Variants in STRBP observed in about 807,000 individuals in gnomAD.
The protein encoded by STRBP is spermatid perinuclear RNA binding protein.
A neutral mutation model predicts 80.1 loss-of-function variants in STRBP; 13 were observed. The ratio of observed to expected loss-of-function variants is 0.16; its 90% CI spans 0.11 to 0.26. STRBP has a LOEUF of 0.26. Among genes scored for constraint, STRBP ranks in the 10% least tolerant of loss-of-function variants. The probability of loss-of-function intolerance (pLI) is 1.00; values close to 1 mark genes in which losing one functional copy is unlikely to be tolerated. For synonymous variants in STRBP, 284 were observed against 291.2 expected, an observed-to-expected ratio of 0.98 and a Z score of 0.25; for missense variants, 485 against 815.2, an observed-to-expected ratio of 0.59 and a Z score of 4.93.
At chr9:123,164,046 GTTTTGTT>G (rs200178740) in intron 6 of STRBP, among the ~76,000 whole-genome samples, 2,198 of 152,050 alleles carry the variant, frequency 0.014, 31 homozygotes, top group South Asian at 0.061. Flanking sequence ...GCTTGTTTTT[GTTTTGTT>G]TTTTGTTTTT....
At chr9:123,263,546 A>G (rs1438089736) in intron 1 of STRBP, among the ~76,000 whole-genome samples, 2 of 150,918 alleles carry the variant, frequency 1.3e-5, no homozygotes, top group African/African-American at 2.4e-5. Context: ...AAAAAAAAAA[A>G]GGCAATTTGC....
chr9:123,214,527 A>G lies in STRBP; in HGVS notation c.-165+22303T>C, dbSNP rs1045790592. 3.9e-5 allele frequency among the ~76,000 whole-genome samples: 6 copies of G among 152,162 alleles called. 1 individual carries two copies. The highest frequency in any genetic ancestry group is 1.3e-4 in the Admixed American group (2 of 15,282). ...ATTTTTTATTAAAAATTAAGAAAAT[A>G]AAAGAAAGAATCAGACCACCTGTCT... is the stretch of plus-strand genomic sequence containing the variant. On this transcript the variant is annotated intron_variant, in intron 2 of 18. Transcript: ENST00000348403.
intron 6 of STRBP, among the ~76,000 whole-genome samples, chr9:123,163,789 T>G (rs1488062584): frequency 6.6e-6 from 1 of 152,182 alleles, no homozygotes; most frequent in Non-Finnish European, 1.5e-5. Context: ...GGGAAAACAC[T>G]GCTACCCTTG....
downstream of STRBP, among the ~76,000 whole-genome samples, chr9:123,117,356 C>A (rs1564205451): frequency 6.6e-6 from 1 of 152,164 alleles, no homozygotes; most frequent in African/African-American, 2.4e-5. Flanking sequence ...CATCCCCGCA[C>A]CCACCCACGC....
intron 6 of STRBP, among the ~76,000 whole-genome samples, chr9:123,163,675 T>G (rs1001032259): frequency 1.3e-5 from 2 of 152,222 alleles, no homozygotes; most frequent in African/African-American, 4.8e-5. Flanking sequence ...TTTATAAGCA[T>G]AGATTGCCTG....
At chr9:123,226,279 A>G (rs1588129493) in intron 2 of STRBP, among the ~76,000 whole-genome samples, 1 of 152,356 alleles carries the variant, frequency 6.6e-6, no homozygotes, top group East Asian at 1.9e-4. Flanking sequence ...AGTAATGGAT[A>G]TATCTTGATG....
rs1564223749 is a variant in STRBP, at chr9:123,136,636, T to C, written c.1498-121A>G. 1 of 1,158,342 alleles carries C rather than the reference T, an allele frequency of 8.6e-7. No individual in the cohort carries two copies. Among genetic ancestry groups the C allele is most frequent in the Middle Eastern group, 3.0e-4 (1 of 3,346 alleles). The allele number at this position is 1,158,342 out of a possible 1,614,324, so 71.8% of individuals were successfully genotyped here. A position where few individuals can be genotyped will look rare whatever the true frequency, so the allele number is the denominator to read the frequency against. On this transcript the variant is annotated intron_variant, in intron 14 of 18. Coordinates refer to ENST00000348403, the MANE Select transcript of STRBP (RefSeq NM_018387.5). This position sits in a 1 kb window ranked among gnomAD's most constrained non-coding sequence, Gnocchi z 4.2. ...ATTCTACTTCAAAGCACTCAGGGGC[T>C]AGAATGAGTCACCTCTTTACACAAA...
intron 1 of STRBP, among the ~76,000 whole-genome samples, chr9:123,259,255 A>G (rs1303658306): frequency 6.6e-6 from 1 of 152,188 alleles, no homozygotes; most frequent in Non-Finnish European, 1.5e-5. Flanking sequence ...GAGAAAATGG[A>G]AAGATGAAGC....
chr9:123,217,227 G>C (rs1385413362), intron 2 of STRBP, among the ~76,000 whole-genome samples: 1 of 152,122 alleles, frequency 6.6e-6, no homozygotes, highest in African/African-American at 2.4e-5. Context: ...GTCACTGTTA[G>C]AAGTTGGGCT....
At chr9:123,233,353 A>G (rs2040451793) in intron 2 of STRBP, among the ~76,000 whole-genome samples, 1 of 152,160 alleles carries the variant, frequency 6.6e-6, no homozygotes, top group Non-Finnish European at 1.5e-5. Flanking sequence ...TTAGGGTTAC[A>G]GGCCTGAGCC....
chr9:123,157,515 T>C (rs753083267), intron 11 of STRBP, among the ~76,000 whole-genome samples: 2 of 152,180 alleles, frequency 1.3e-5, no homozygotes, highest in Non-Finnish European at 2.9e-5. Context: ...CTATTTATTG[T>C]ATTAGTTCAT....
intron 1 of STRBP, among the ~76,000 whole-genome samples, chr9:123,240,525 T>C (rs1414528583): frequency 6.6e-6 from 1 of 152,236 alleles, no homozygotes; most frequent in East Asian, 1.9e-4. Flanking sequence ...TTCAACAGGA[T>C]TGATAGAATC....
chr9:123,194,256 A>G (rs2039020284), intron 2 of STRBP, among the ~76,000 whole-genome samples: 1 of 152,196 alleles, frequency 6.6e-6, no homozygotes, highest in Non-Finnish European at 1.5e-5. Context: ...ACCTTGCTGC[A>G]TCATTAACCA....
intron 1 of STRBP, among the ~76,000 whole-genome samples, chr9:123,245,738 G>A (rs2040788050): frequency 6.6e-6 from 1 of 152,180 alleles, no homozygotes; most frequent in African/African-American, 2.4e-5. Context: ...TCAAGAATGA[G>A]AATCAGTATC....
intron 2 of STRBP, among the ~76,000 whole-genome samples, chr9:123,200,966 G>T (rs558794695): frequency 6.6e-6 from 1 of 151,668 alleles, no homozygotes; most frequent in Non-Finnish European, 1.5e-5. Flanking sequence ...ATCTAGGAAG[G>T]TTGTACGTTT....
At chr9:123,247,103 A>C (rs2040814800) in intron 1 of STRBP, among the ~76,000 whole-genome samples, 1 of 152,184 alleles carries the variant, frequency 6.6e-6, no homozygotes, top group Non-Finnish European at 1.5e-5. Context: ...CCAATCAATG[A>C]ATTTATTATA....
At chr9:123,146,488 G>GA (rs1035535265) in intron 13 of STRBP, among the ~76,000 whole-genome samples, 2 of 149,328 alleles carry the variant, frequency 1.3e-5, no homozygotes, top group East Asian at 2.0e-4. Context: ...AACATTACAT[G>GA]AAAAAAAATC....
chr9:123,141,299 C>T (rs1411552155), intron 13 of STRBP, among the ~76,000 whole-genome samples: 1 of 152,176 alleles, frequency 6.6e-6, no homozygotes, highest in Non-Finnish European at 1.5e-5. Context: ...GAGAACTTGG[C>T]ATTCTTATCA....
At chr9:123,234,202 A>G (rs1372830470) in intron 2 of STRBP, among the ~76,000 whole-genome samples, 1 of 117,886 alleles carries the variant, frequency 8.5e-6, no homozygotes, top group Non-Finnish European at 1.7e-5. Flanking sequence ...CGCCGTGTCA[A>G]AAAAAAAAAA....
Sources: gnomAD v4.1 joint callset for allele counts (sites outside exome capture counted in the v4.1 genomes callset) on GRCh38, gnomAD v4.1.1 for gene constraint, Gnocchi (gnomAD v3.1) non-coding constraint, MANE v1.5 for transcripts, NCBI Gene and HGNC (gene_info 2026-07-23, HGNC 2026-07-21) for gene names.